The following VIT variants were observed in gnomAD, a reference collection of about 807,000 sequenced individuals.
VIT encodes the protein vitrin.
In VIT, 99 loss-of-function variants were observed where a neutral mutation model predicts 78.0. The observed-to-expected ratio is 1.27, with a 90% CI of 1.08 to 1.50. The LOEUF (loss-of-function observed/expected upper bound fraction) is 1.50. Among genes scored for constraint, VIT ranks in the 40% most tolerant of loss-of-function variants. The pLI is 0.00. For synonymous variants in VIT, 374 were observed against 334.3 expected, an observed-to-expected ratio of 1.12 and a Z score of -1.29; for missense variants, 1,126 against 875.3, an observed-to-expected ratio of 1.29 and a Z score of -3.61.
At chr2:36,805,409 T>C in intron 13 of VIT, 29 bp from the exon 14 acceptor site, 1 of 1,573,480 alleles carries the variant, frequency 6.4e-7, no homozygotes, top group Non-Finnish European at 8.6e-7. Flanking sequence ...GCGTGATCAC[T>C]CCAAGCATGA....
At chr2:36,722,605 A>AT (rs1666581689) in intron 2 of VIT, among the ~76,000 whole-genome samples, 1 of 152,248 alleles carries the variant, frequency 6.6e-6, no homozygotes, top group Non-Finnish European at 1.5e-5. Flanking sequence ...TCAAGAAGGC[A>AT]TTGTGGATAC....
At chr2:36,726,237 T>C (rs1412804594) in intron 2 of VIT, among the ~76,000 whole-genome samples, 5 of 152,188 alleles carry the variant, frequency 3.3e-5, no homozygotes, top group African/African-American at 1.2e-4. Context: ...TAAGTTATGA[T>C]ACATCCATAT....
intron 12 of VIT, among the ~76,000 whole-genome samples, chr2:36,796,052 G>C (rs1240601482): frequency 6.6e-6 from 1 of 150,838 alleles, no homozygotes; most frequent in African/African-American, 2.4e-5. Context: ...TATCTAAAGG[G>C]TGTGATGAAG....
chr2:36,787,608 C>T (rs1665194206), intron 12 of VIT, among the ~76,000 whole-genome samples: 1 of 152,214 alleles, frequency 6.6e-6, no homozygotes, highest in Admixed American at 6.5e-5. Context: ...GCTAGGCCTT[C>T]GCCTCTCTGA....
At chr2:36,806,246 G>T (rs1010944660) in intron 14 of VIT, among the ~76,000 whole-genome samples, 11 of 152,120 alleles carry the variant, frequency 7.2e-5, no homozygotes, top group African/African-American at 2.7e-4. Flanking sequence ...CAAAGAAAAG[G>T]CTCCAGCTTT....
At chr2:36,717,236 T>C (rs184861575) in intron 2 of VIT, among the ~76,000 whole-genome samples, 2,090 of 146,072 alleles carry the variant, frequency 0.014, 21 homozygotes, top group Middle Eastern at 0.022. Flanking sequence ...TGGAGTGCAG[T>C]GGCACAATCT....
At chr2:36,784,426 T>G (rs1664959862) in intron 11 of VIT, among the ~76,000 whole-genome samples, 1 of 152,218 alleles carries the variant, frequency 6.6e-6, no homozygotes, top group South Asian at 2.1e-4. Context: ...GGGAGCTTGT[T>G]AGAAACACAG....
intron 10 of VIT, 102 bp downstream of exon 10, chr2:36,781,873 C>G: frequency 7.1e-7 from 1 of 1,407,936 alleles, no homozygotes; most frequent in South Asian, 1.2e-5. Flanking sequence ...CCGAGCTCCA[C>G]TAGCCTAGGA....
chr2:36,808,993 G>T lies in VIT; in HGVS notation c.1903+8G>T. On this transcript the variant is annotated splice_region_variant and intron_variant, in intron 15 of 15. Coordinates refer to ENST00000379242, the MANE Select transcript of VIT (RefSeq NM_053276.4). ...TGGCTGCCCATCTGAAGGGTAAGCT[G>T]GGCTTGCCAAGCAGCCTGGTGCTGA... 2 of 1,566,032 alleles carry T rather than the reference G, an allele frequency of 1.3e-6. No individual in the cohort carries two copies. Among genetic ancestry groups the T allele is most frequent in the Non-Finnish European group, 8.7e-7 (1 of 1,151,890 alleles).
intron 9 of VIT, among the ~76,000 whole-genome samples, chr2:36,776,908 T>G (rs1670089526): frequency 6.6e-6 from 1 of 150,684 alleles, no homozygotes; most frequent in African/African-American, 2.4e-5. Flanking sequence ...GCTAACACGG[T>G]GAAACTCCGT....
intron 4 of VIT, among the ~76,000 whole-genome samples, chr2:36,748,103 G>T (rs571147248): frequency 1.3e-5 from 2 of 152,324 alleles, no homozygotes; most frequent in Admixed American, 1.3e-4. Flanking sequence ...CTGTTAGCCT[G>T]ATGGGGTTCC....
intron 4 of VIT, among the ~76,000 whole-genome samples, chr2:36,744,784 A>G (rs1668036646): frequency 6.6e-6 from 1 of 151,942 alleles, no homozygotes; most frequent in Admixed American, 6.6e-5. Flanking sequence ...TACTCCACTG[A>G]TAGGTTCTTT....
At chr2:36,712,730 G>A (rs1665883066) in intron 1 of VIT, among the ~76,000 whole-genome samples, 1 of 152,178 alleles carries the variant, frequency 6.6e-6, no homozygotes, top group Non-Finnish European at 1.5e-5. Flanking sequence ...CAGCTACTCG[G>A]GAGGCTGAGG....
At chr2:36,795,635 G>A (rs185832433) in intron 12 of VIT, among the ~76,000 whole-genome samples, 210 of 152,014 alleles carry the variant, frequency 1.4e-3, no homozygotes, top group Middle Eastern at 6.8e-3. Context: ...AGCTGGTCTC[G>A]AACTCCTGAC....
At chr2:36,783,945 G>C (rs753836254) in intron 11 of VIT, among the ~76,000 whole-genome samples, 7 of 152,176 alleles carry the variant, frequency 4.6e-5, no homozygotes, top group Non-Finnish European at 7.3e-5. Context: ...GTAGAGAGAA[G>C]ACTACCCAGG....
chr2:36,719,579 C>CA (rs70946946), intron 2 of VIT, among the ~76,000 whole-genome samples: 9 of 151,368 alleles, frequency 5.9e-5, no homozygotes, highest in South Asian at 2.1e-4. Context: ...ACGATAGTAT[C>CA]AAAAAAAAAC....
intron 1 of VIT, among the ~76,000 whole-genome samples, chr2:36,712,414 A>G (rs988626699): frequency 5.3e-5 from 8 of 152,186 alleles, no homozygotes; most frequent in African/African-American, 1.9e-4. Flanking sequence ...AAGTTGGAGG[A>G]CAGATTTGAG....
chr2:36,719,742 C>G (rs975313008), intron 2 of VIT, among the ~76,000 whole-genome samples: 3 of 152,152 alleles, frequency 2.0e-5, no homozygotes, highest in African/African-American at 7.2e-5. Flanking sequence ...AGTTTGAGAC[C>G]AGCTTGCAAA....
At chr2:36,799,806 G>C (rs1271890766) in intron 12 of VIT, among the ~76,000 whole-genome samples, 1 of 152,084 alleles carries the variant, frequency 6.6e-6, no homozygotes, top group Non-Finnish European at 1.5e-5. Context: ...CCGGCACTTT[G>C]GAAGGCCAAG....
Sources: allele counts gnomAD v4.1 joint callset (sites outside exome capture counted in the v4.1 genomes callset), GRCh38; gene constraint gnomAD v4.1.1; transcripts MANE v1.5; gene names NCBI Gene and HGNC (gene_info 2026-07-23, HGNC 2026-07-21).